Variants in AVEN observed in about 807,000 individuals in gnomAD.
AVEN encodes cell death regulator Aven.
Under a neutral mutation model 38.1 loss-of-function variants are expected in AVEN, and 41 were observed. The observed-to-expected ratio is 1.08, with a 90% CI of 0.84 to 1.40. AVEN has a LOEUF of 1.40. AVEN is among the 40% of genes most tolerant of loss of function. The pLI, the probability that AVEN is intolerant of heterozygous loss-of-function variation, is 0.00. For synonymous variants in AVEN, 206 were observed against 171.8 expected (o/e 1.20, Z -1.56); for missense variants, 605 against 438.8 (o/e 1.38, Z -3.38).
intron 2 of AVEN, among the ~76,000 whole-genome samples, chr15:33,952,571 A>G (rs1473610283): frequency 6.6e-6 from 1 of 152,224 alleles, no homozygotes; most frequent in Non-Finnish European, 1.5e-5. Context: ...ATGAAAGAGT[A>G]TTACGTCTTT....
At chr15:34,042,767 G>T (rs928106109), upstream of AVEN, among the ~76,000 whole-genome samples, 10 of 151,996 alleles carry the variant, frequency 6.6e-5, no homozygotes, top group Non-Finnish European at 1.5e-4. Context: ...CAAAATGTAG[G>T]CCAGAAAAAT....
chr15:33,938,025 A>C (rs1894160860), intron 2 of AVEN, among the ~76,000 whole-genome samples: 1 of 152,024 alleles, frequency 6.6e-6, no homozygotes, highest in Non-Finnish European at 1.5e-5. Context: ...ATAAAGGAAT[A>C]ATAATCATAA....
intron 2 of AVEN, among the ~76,000 whole-genome samples, chr15:33,931,906 CAG>C (rs1252768855): frequency 6.6e-6 from 1 of 152,050 alleles, no homozygotes; most frequent in African/African-American, 2.4e-5. Flanking sequence ...GGAAGAGAGA[CAG>C]AGATGAGAGA....
downstream of AVEN, chr15:33,865,296 T>C (rs1272566869): frequency 5.9e-6 from 6 of 1,022,320 alleles, no homozygotes; most frequent in Non-Finnish European, 8.9e-6. Flanking sequence ...CTTTTTACAG[T>C]TCTGCAACAT....
At chr15:33,992,821 G>A (rs942110970) in intron 2 of AVEN, among the ~76,000 whole-genome samples, 3 of 152,152 alleles carry the variant, frequency 2.0e-5, no homozygotes, top group South Asian at 2.1e-4. Context: ...AACAGAGGAG[G>A]GAAGAAATTC....
chr15:34,046,964 C>T (rs1459194390), intron 5 of AVEN: 1 of 152,310 alleles, frequency 6.6e-6, no homozygotes, highest in Non-Finnish European at 1.5e-5. Flanking sequence ...GAGCCCATGC[C>T]AGCAGAGCCT....
At chr15:33,921,595 C>G (rs1184832641) in intron 2 of AVEN, among the ~76,000 whole-genome samples, 1 of 152,200 alleles carries the variant, frequency 6.6e-6, no homozygotes, top group Non-Finnish European at 1.5e-5. Context: ...GCAGCCTGTG[C>G]ATTGCCTTGA....
rs1235712405 is a variant in AVEN, at chr15:34,038,783, C to T, written c.264G>A (p.Ala88=). 2.5e-6 allele frequency: 3 copies of T among 1,177,150 alleles called. No individual in the cohort carries two copies. Among genetic ancestry groups the T allele is most frequent in the African/African-American group, 1.6e-5 (1 of 61,036 alleles). The allele number at this position is 1,177,150 out of a possible 1,614,324, so 72.9% of individuals were successfully genotyped here. A position where few individuals can be genotyped will look rare whatever the true frequency, so the allele number is the denominator to read the frequency against. ...CCCACCAGCCGTCGCCTCTTACCGG[C>T]GCGCTGGCCCCTGCGCCCCAGCCTC... is the stretch of plus-strand genomic sequence containing the variant. ...EPGGWGAGAS[A]PVEDDSDAET... Residue 88 remains alanine, a synonymous_variant, in exon 1 of 6, where the codon GCG becomes GCA. Coordinates refer to ENST00000306730, the MANE Select transcript of AVEN (RefSeq NM_020371.3).
At chr15:33,865,050 A>G, downstream of AVEN, 1 of 996,928 alleles carries the variant, frequency 1.0e-6, no homozygotes, top group Non-Finnish European at 1.6e-6. Context: ...TCCTAAAGGG[A>G]GCCACAAAGA....
At chr15:33,990,558 C>T (rs1896677618) in intron 2 of AVEN, 1 of 152,226 alleles carries the variant, frequency 6.6e-6, no homozygotes, top group Admixed American at 6.5e-5. Flanking sequence ...TCCAGTATAA[C>T]TAGCTTAAAT....
At chr15:34,071,284 T>G (rs1900619276) in intron 1 of AVEN, among the ~76,000 whole-genome samples, 1 of 152,112 alleles carries the variant, frequency 6.6e-6, no homozygotes, top group Admixed American at 6.5e-5. Context: ...TGCTGCTTAT[T>G]TTTCATTTTA....
At chr15:33,865,004 G>C, downstream of AVEN, 2 of 644,810 alleles carry the variant, frequency 3.1e-6, no homozygotes, top group East Asian at 2.7e-5. Flanking sequence ...AAGAATGAAT[G>C]TGCAGGTTTG....
At chr15:33,983,557 T>G (rs952478707) in intron 2 of AVEN, among the ~76,000 whole-genome samples, 2 of 152,084 alleles carry the variant, frequency 1.3e-5, no homozygotes, top group Non-Finnish European at 2.9e-5. Flanking sequence ...CAGAGAGAAC[T>G]AGTTCCCCTG....
chr15:33,990,503 C>G (rs7184003), intron 2 of AVEN, among the ~76,000 whole-genome samples: 33,519 of 152,200 alleles, frequency 0.22, 4,203 homozygotes, highest in Middle Eastern at 0.41. Context: ...TGGAATACAA[C>G]TTAAACTCAG....
downstream of AVEN, among the ~76,000 whole-genome samples, chr15:33,858,398 G>T (rs768474580): frequency 6.6e-6 from 1 of 151,872 alleles, no homozygotes; most frequent in African/African-American, 2.4e-5. Flanking sequence ...GTAGTGATGG[G>T]GTTTCTCTAT....
downstream of AVEN, among the ~76,000 whole-genome samples, chr15:33,855,639 GATATCTGCATCCAATTAAGAGCCAA>G (rs755899493): frequency 0.3 from 4,953 of 16,404 alleles, 163 homozygotes; most frequent in Non-Finnish European, 0.38. Context: ...CAATATTTCT[GATATCTGCATCCAATTAAGAGCCAA>G]TGATTTCAGA....
At chr15:34,057,375 C>T (rs1267681343) in intron 5 of AVEN, among the ~76,000 whole-genome samples, 4 of 151,328 alleles carry the variant, frequency 2.6e-5, no homozygotes, top group African/African-American at 7.3e-5. Context: ...ATCTCTTTAC[C>T]GCATGATCCA....
chr15:34,069,102 C>T (rs965815976), intron 2 of AVEN, among the ~76,000 whole-genome samples: 5 of 151,874 alleles, frequency 3.3e-5, no homozygotes, highest in African/African-American at 7.2e-5. Flanking sequence ...TGAGCCACCG[C>T]GCCAAGCCCC....
intron 2 of AVEN, among the ~76,000 whole-genome samples, chr15:33,943,957 C>T (rs1419023391): frequency 6.6e-6 from 1 of 151,370 alleles, no homozygotes; most frequent in Non-Finnish European, 1.5e-5. Context: ...TGGTCTCGAA[C>T]TCCTGGGCTC....
Sources: gnomAD v4.1 joint callset for allele counts (sites outside exome capture counted in the v4.1 genomes callset) on GRCh38, gnomAD v4.1.1 for gene constraint, MANE v1.5 for transcripts, NCBI Gene and HGNC (gene_info 2026-07-23, HGNC 2026-07-21) for gene names.